The following CPQ variants were observed in gnomAD, a reference collection of about 807,000 sequenced individuals.
CPQ encodes the protein Ser-Met dipeptidase.
A neutral mutation model predicts 45.7 loss-of-function variants in CPQ; 37 were observed. That is an observed-to-expected ratio of 0.81 (90% confidence interval 0.62 to 1.07). CPQ has a LOEUF of 1.07. CPQ is among the 50% of genes least tolerant of loss of function. CPQ has a pLI of 0.00. For missense variants in CPQ, 537 were observed against 572.9 expected (o/e 0.94, Z 0.64); for synonymous variants, 186 against 205.8 (o/e 0.90, Z 0.82).
intron 1 of CPQ, among the ~76,000 whole-genome samples, chr8:96,753,293 A>G (rs1371254091): frequency 6.6e-6 from 1 of 152,104 alleles, no homozygotes; most frequent in Non-Finnish European, 1.5e-5. Context: ...CCATTACACT[A>G]TTTTGTATGT....
At chr8:97,113,471 A>T (rs560149730) in intron 7 of CPQ, among the ~76,000 whole-genome samples, 1 of 152,364 alleles carries the variant, frequency 6.6e-6, no homozygotes, top group East Asian at 1.9e-4. Context: ...ATATAGGCAC[A>T]GTGTTTACTG....
chr8:96,815,559 G>T (rs1452651503), intron 2 of CPQ, among the ~76,000 whole-genome samples: 3 of 152,066 alleles, frequency 2.0e-5, no homozygotes, highest in African/African-American at 7.2e-5. Context: ...AAGATACAGG[G>T]ATTTTGAATT....
At chr8:97,129,974 C>G (rs1811917958) in intron 7 of CPQ, among the ~76,000 whole-genome samples, 1 of 152,186 alleles carries the variant, frequency 6.6e-6, no homozygotes, top group Admixed American at 6.5e-5. Context: ...AGTCGCTGCC[C>G]TGCTATGGAT....
At chr8:96,982,896 T>G (rs1813930606) in intron 5 of CPQ, among the ~76,000 whole-genome samples, 3 of 152,230 alleles carry the variant, frequency 2.0e-5, no homozygotes, top group Non-Finnish European at 4.4e-5. Flanking sequence ...AAGGTTGTTT[T>G]TTATTCTTTG....
rs141224508 is a variant in CPQ, at chr8:97,110,437, T to C, written c.1256-32583T>C. 1.2e-4 allele frequency among the ~76,000 whole-genome samples: 19 copies of C among 152,368 alleles called. No homozygotes were observed. In the East Asian group the frequency reaches 2.5e-3, roughly 20 times the overall value. On this transcript the variant is annotated intron_variant, in intron 7 of 7. Coordinates refer to ENST00000220763, the MANE Select transcript of CPQ (RefSeq NM_016134.4). ...AGTAGAGCTACTATGTACGTACTTA[T>C]ACAAGTGTGCAAGTTTTATTTTCTT...
At chr8:97,051,822 C>A (rs534115001) in intron 6 of CPQ, among the ~76,000 whole-genome samples, 1 of 152,278 alleles carries the variant, frequency 6.6e-6, no homozygotes, top group Non-Finnish European at 1.5e-5. Flanking sequence ...TTGTACATCA[C>A]CTCCTTTTGC....
intron 1 of CPQ, among the ~76,000 whole-genome samples, chr8:96,660,456 T>A (rs1018009776): frequency 5.9e-5 from 9 of 152,158 alleles, no homozygotes; most frequent in African/African-American, 2.2e-4. Context: ...GGCTTTAACG[T>A]ATGAATTTTG....
chr8:97,047,344 T>C (rs904822625), intron 6 of CPQ, among the ~76,000 whole-genome samples: 2 of 152,222 alleles, frequency 1.3e-5, no homozygotes, highest in African/African-American at 2.4e-5. Context: ...ATCTTAAATG[T>C]AGATATCTAC....
chr8:96,652,688 A>G lies in CPQ; in HGVS notation c.-35+7286A>G, dbSNP rs565521631. Among the ~76,000 whole-genome samples the G allele has an allele frequency of 4.9e-4, 74 of 152,246 alleles. 1 individual carries two copies. In the South Asian group the frequency reaches 0.014, roughly 28 times the overall value. On this transcript the variant is annotated intron_variant, in intron 1 of 7. Coordinates refer to ENST00000220763, the MANE Select transcript of CPQ (RefSeq NM_016134.4). ...TGCTCTATCGCCCAAGCTGGAGTGC[A>G]GTGGCGCCATCTCTGCTCACTGCAA...
chr8:96,819,823 C>G (rs1478185036), intron 2 of CPQ, among the ~76,000 whole-genome samples: 29 of 151,940 alleles, frequency 1.9e-4, no homozygotes, highest in Admixed American at 1.9e-3. Flanking sequence ...TCTTCAGGAT[C>G]ATACCGGAAA....
intron 3 of CPQ, among the ~76,000 whole-genome samples, chr8:96,865,961 A>G (rs1811991202): frequency 6.6e-6 from 1 of 152,046 alleles, no homozygotes; most frequent in African/African-American, 2.4e-5. Flanking sequence ...TGAGGGTGGC[A>G]TGTAGGTTAG....
intron 1 of CPQ, among the ~76,000 whole-genome samples, chr8:96,670,691 A>G (rs955694322): frequency 2.6e-5 from 4 of 152,248 alleles, no homozygotes; most frequent in Admixed American, 2.0e-4. Context: ...AATACTACTC[A>G]GCAATAAAGA....
At chr8:96,816,098 C>G (rs974616343) in intron 2 of CPQ, among the ~76,000 whole-genome samples, 1 of 152,078 alleles carries the variant, frequency 6.6e-6, no homozygotes, top group African/African-American at 2.4e-5. Context: ...ATGAAAGATT[C>G]TTCTGGAGTA....
intron 4 of CPQ, among the ~76,000 whole-genome samples, chr8:96,895,605 T>C (rs1812433123): frequency 6.6e-6 from 1 of 152,150 alleles, no homozygotes. Context: ...TTGTGATAAT[T>C]GGGTAATTTT....
intron 1 of CPQ, among the ~76,000 whole-genome samples, chr8:96,662,396 G>A (rs761238412): frequency 3.9e-5 from 6 of 152,044 alleles, no homozygotes; most frequent in African/African-American, 1.2e-4. Context: ...TTTGATAATC[G>A]CATCTTCTTC....
At chr8:97,133,717 G>T (rs954523084) in intron 7 of CPQ, among the ~76,000 whole-genome samples, 2 of 151,980 alleles carry the variant, frequency 1.3e-5, no homozygotes, top group Non-Finnish European at 2.9e-5. Context: ...CTGTTCTATG[G>T]GACAAAATTC....
intron 7 of CPQ, among the ~76,000 whole-genome samples, chr8:97,107,429 G>T (rs1396490710): frequency 2.0e-5 from 3 of 152,232 alleles, no homozygotes; most frequent in Non-Finnish European, 2.9e-5. Flanking sequence ...TGCATGCCCT[G>T]GCCTGCATAT....
intron 1 of CPQ, among the ~76,000 whole-genome samples, chr8:96,718,631 G>C (rs1368812660): frequency 6.6e-6 from 1 of 152,160 alleles, no homozygotes; most frequent in Non-Finnish European, 1.5e-5. Flanking sequence ...GACCCAAGTG[G>C]GTTGCCACTG....
intron 1 of CPQ, among the ~76,000 whole-genome samples, chr8:96,654,699 C>T (rs756034800): frequency 2.0e-5 from 3 of 152,182 alleles, no homozygotes; most frequent in Non-Finnish European, 4.4e-5. Context: ...TACTTTCTGA[C>T]TTCAGAGAAA....
Sources: allele counts gnomAD v4.1 joint callset (sites outside exome capture counted in the v4.1 genomes callset), GRCh38; gene constraint gnomAD v4.1.1; transcripts MANE v1.5; gene names NCBI Gene and HGNC (gene_info 2026-07-23, HGNC 2026-07-21).